Variants in DPP6 observed in about 807,000 individuals in gnomAD.
DPP6 encodes the protein A-type potassium channel modulatory protein DPP6.
A neutral mutation model predicts 122.6 loss-of-function variants in DPP6; 69 were observed. The ratio of observed to expected loss-of-function variants is 0.56; its 90% CI spans 0.46 to 0.69. DPP6 has a LOEUF of 0.69. Ranked by LOEUF, DPP6 falls within the 30% of genes least tolerant of loss-of-function variation. The pLI is 0.00. For missense variants in DPP6, 928 were observed against 1,116.9 expected, an observed-to-expected ratio of 0.83 and a Z score of 2.41; for synonymous variants, 418 against 433.1, an observed-to-expected ratio of 0.97 and a Z score of 0.43.
intron 1 of DPP6, among the ~76,000 whole-genome samples, chr7:154,002,225 A>G (rs1449381277): frequency 6.6e-6 from 1 of 151,892 alleles, no homozygotes; most frequent in African/African-American, 2.4e-5. Context: ...TGTCATGCGT[A>G]TTTTTGTATC....
chr7:154,296,616 G>A (rs117177959), intron 1 of DPP6, among the ~76,000 whole-genome samples: 30 of 152,314 alleles, frequency 2.0e-4, no homozygotes, highest in African/African-American at 6.3e-4. Context: ...GGTTTATGAC[G>A]AGTAAGGGAA....
At chr7:154,347,875 G>A (rs1377721086) in intron 1 of DPP6, among the ~76,000 whole-genome samples, 2 of 152,200 alleles carry the variant, frequency 1.3e-5, no homozygotes, top group South Asian at 2.1e-4. Flanking sequence ...AACCAGCCCT[G>A]CCAATGAATC....
intron 1 of DPP6, among the ~76,000 whole-genome samples, chr7:154,290,482 C>A (rs1317413176): frequency 6.6e-6 from 1 of 151,978 alleles, no homozygotes; most frequent in Non-Finnish European, 1.5e-5. Flanking sequence ...CCCTGCCACC[C>A]CCCTGCCTTG....
intron 1 of DPP6, among the ~76,000 whole-genome samples, chr7:154,036,949 G>A (rs1392572089): frequency 6.6e-6 from 1 of 152,266 alleles, no homozygotes; most frequent in East Asian, 1.9e-4. Context: ...ACCTGCAACC[G>A]CAGTAGAAAC....
chr7:154,210,541 T>G (rs1221497679), intron 1 of DPP6, among the ~76,000 whole-genome samples: 2 of 152,240 alleles, frequency 1.3e-5, no homozygotes, highest in African/African-American at 4.8e-5. Context: ...GAGTGTCTGG[T>G]GCATTCTACT....
intron 3 of DPP6, among the ~76,000 whole-genome samples, chr7:154,501,517 T>C (rs10952485): frequency 0.53 from 80,200 of 152,012 alleles, 21,383 homozygotes; most frequent in Middle Eastern, 0.61. Context: ...GTGGCTGAAA[T>C]GGCCCAAGTT....
Position 154,302,850 on chromosome 7 carries a change from G to A in DPP6, c.244-143364G>A, listed in dbSNP as rs118186905. On this transcript the variant is annotated intron_variant, in intron 1 of 25. Transcript: ENST00000377770. ...ATTGAAGGAGACCTGTCTTCCTCTC[G>A]TCTGCTGTCTTCCTCCTGGATATCA... Among the ~76,000 whole-genome samples, 1,265 of 152,202 alleles carry A rather than the reference G, an allele frequency of 8.3e-3. 18 individuals are homozygous for A. The highest frequency in any genetic ancestry group is 0.03 in the Admixed American group (454 of 15,294).
At chr7:154,362,852 G>C (rs1412344982) in intron 1 of DPP6, among the ~76,000 whole-genome samples, 1 of 152,204 alleles carries the variant, frequency 6.6e-6, no homozygotes, top group African/African-American at 2.4e-5. Flanking sequence ...GCTGCTCCGA[G>C]TGCAGCCCTG....
At chr7:154,427,477 T>C (rs796744141) in intron 1 of DPP6, among the ~76,000 whole-genome samples, 5 of 152,322 alleles carry the variant, frequency 3.3e-5, no homozygotes, top group African/African-American at 1.2e-4. Context: ...AAAATAACCT[T>C]CAACTGTCAG....
At chr7:154,399,411 A>G (rs1462355770) in intron 1 of DPP6, among the ~76,000 whole-genome samples, 2 of 152,202 alleles carry the variant, frequency 1.3e-5, no homozygotes, top group East Asian at 1.9e-4. Flanking sequence ...GCAATTTTTC[A>G]AAGACTCCAT....
intron 1 of DPP6, among the ~76,000 whole-genome samples, chr7:154,420,086 C>G (rs540803499): frequency 6.6e-6 from 1 of 152,274 alleles, no homozygotes; most frequent in South Asian, 2.1e-4. Flanking sequence ...CCTGTAATCC[C>G]AACACTTTGG....
chr7:154,623,756 A>C (rs981391775), intron 5 of DPP6, among the ~76,000 whole-genome samples: 4 of 152,226 alleles, frequency 2.6e-5, no homozygotes, highest in African/African-American at 9.6e-5. Context: ...TGAAAATATA[A>C]ATTGGGATTT....
At chr7:153,763,179 T>A in the DPP6 span, among the ~76,000 whole-genome samples, 3 of 152,146 alleles carry the variant, frequency 2.0e-5, no homozygotes. Flanking sequence ...TCCATTTATT[T>A]CCTTTCCAAC....
chr7:153,939,453 A>G (rs1801600986), intron 1 of DPP6, among the ~76,000 whole-genome samples: 1 of 152,240 alleles, frequency 6.6e-6, no homozygotes, highest in Non-Finnish European at 1.5e-5. Flanking sequence ...ACAAAGTCAG[A>G]CGTTAAACCA....
At chr7:153,775,912 A>G in the DPP6 span, among the ~76,000 whole-genome samples, 4 of 152,198 alleles carry the variant, frequency 2.6e-5, no homozygotes, top group African/African-American at 9.7e-5. Flanking sequence ...TGATTAAAGA[A>G]ATTTTTAAAA....
At chr7:153,866,143 T>C in the DPP6 span, among the ~76,000 whole-genome samples, 1 of 152,146 alleles carries the variant, frequency 6.6e-6, no homozygotes, top group African/African-American at 2.4e-5. Flanking sequence ...AGCAGCATGA[T>C]TTACAATCCT....
chr7:154,354,074 C>T (rs562429484), intron 1 of DPP6, among the ~76,000 whole-genome samples: 2 of 152,270 alleles, frequency 1.3e-5, no homozygotes, highest in East Asian at 3.9e-4. Flanking sequence ...CACAGTCTCC[C>T]TCTGTGCACC....
intron 1 of DPP6, among the ~76,000 whole-genome samples, chr7:154,170,206 G>A (rs1270339120): frequency 6.6e-6 from 1 of 152,164 alleles, no homozygotes; most frequent in East Asian, 1.9e-4. Context: ...TGACCCAGCA[G>A]CCTGCCCAGC....
intron 1 of DPP6, among the ~76,000 whole-genome samples, chr7:154,180,667 G>A (rs546244779): frequency 2.6e-5 from 4 of 151,488 alleles, no homozygotes; most frequent in Admixed American, 2.0e-4. Context: ...TAATGTGGGC[G>A]ATGAAACTTC....
Sources: allele counts gnomAD v4.1 joint callset (sites outside exome capture counted in the v4.1 genomes callset), GRCh38; gene constraint gnomAD v4.1.1; transcripts MANE v1.5; gene names NCBI Gene and HGNC (gene_info 2026-07-23, HGNC 2026-07-21).